ASB5: variants seen among roughly 807,000 people sequenced by gnomAD.
The protein encoded by ASB5 is ankyrin repeat and SOCS box containing 5.
Under a neutral mutation model 42.1 loss-of-function variants are expected in ASB5, and 45 were observed. The observed-to-expected ratio is 1.07, with a 90% CI of 0.84 to 1.37. The LOEUF (loss-of-function observed/expected upper bound fraction) is 1.37, where lower values mean the gene tolerates loss of function less well. Ranked by LOEUF, ASB5 falls within the 40% of genes most tolerant of loss-of-function variation. The probability of loss-of-function intolerance (pLI) is 0.00; values close to 1 mark genes in which losing one functional copy is unlikely to be tolerated. For missense variants in ASB5, 402 were observed against 399.8 expected, an observed-to-expected ratio of 1.01 and a Z score of -0.05; for synonymous variants, 147 against 150.6, an observed-to-expected ratio of 0.98 and a Z score of 0.18.
chr4:176,267,421 T>A (rs538507951), intron 1 of ASB5, among the ~76,000 whole-genome samples: 1 of 152,220 alleles, frequency 6.6e-6, no homozygotes, highest in East Asian at 1.9e-4. Flanking sequence ...GCCCAGGAGT[T>A]TGAGACCACC....
At chr4:176,238,206 C>A (rs1469549676) in intron 1 of ASB5, among the ~76,000 whole-genome samples, 332 of 101,066 alleles carry the variant, frequency 3.3e-3, no homozygotes, top group Middle Eastern at 6.2e-3. Context: ...GACTCCGTCT[C>A]AAAAAAAAAA....
intron 2 of ASB5, among the ~76,000 whole-genome samples, chr4:176,223,898 G>A (rs1007983237): frequency 4.6e-5 from 7 of 152,128 alleles, no homozygotes; most frequent in African/African-American, 1.7e-4. Flanking sequence ...CCTTTCTGAG[G>A]AATTACCCTT....
intron 1 of ASB5, among the ~76,000 whole-genome samples, chr4:176,263,396 T>C (rs896610018): frequency 6.6e-6 from 1 of 152,182 alleles, no homozygotes; most frequent in Non-Finnish European, 1.5e-5. Flanking sequence ...TGTAAGTTTG[T>C]TCCCAGATTT....
intron 4 of ASB5, 25 bp from the exon 5 acceptor site, chr4:176,221,314 T>C (rs2126944370): frequency 6.2e-7 from 1 of 1,612,232 alleles, no homozygotes; most frequent in East Asian, 2.2e-5. Context: ...TAGAGGAGTT[T>C]AACTTAATGC....
chr4:176,240,520 C>T (rs1753788953), intron 1 of ASB5, among the ~76,000 whole-genome samples: 1 of 152,138 alleles, frequency 6.6e-6, no homozygotes, highest in African/African-American at 2.4e-5. Flanking sequence ...GACACTTCTG[C>T]AGCAGGGAAA....
At position 176,232,375 on chromosome 4, in the gene ASB5, C is replaced by T. The variant is rs183897541; in HGVS notation, c.197-7034G>A. ...CTGACCTCAGATGATCCACCCGCCT[C>T]GGCCTCCCAAAGTGCTGGAATAGAT... On this transcript the variant is annotated intron_variant, in intron 1 of 6. Transcript: ENST00000296525. 4.3e-3 allele frequency among the ~76,000 whole-genome samples: 654 copies of T among 152,128 alleles called. 8 individuals carry two copies. The highest frequency in any genetic ancestry group is 0.014 in the African/African-American group (601 of 41,482).
intron 1 of ASB5, among the ~76,000 whole-genome samples, chr4:176,251,825 G>A (rs1179340932): frequency 6.6e-6 from 1 of 151,298 alleles, no homozygotes; most frequent in Admixed American, 6.6e-5. Flanking sequence ...CCAGCATTAG[G>A]CGGAGGCGGG....
chr4:176,268,858 G>T, intron 1 of ASB5, 55 bp downstream of exon 1: 1 of 1,358,220 alleles, frequency 7.4e-7, no homozygotes, highest in South Asian at 1.7e-5. Flanking sequence ...TGTAATTGTG[G>T]ATCAGATGAA....
At chr4:176,238,359 G>C (rs1409645555) in intron 1 of ASB5, among the ~76,000 whole-genome samples, 3 of 152,064 alleles carry the variant, frequency 2.0e-5, no homozygotes, top group Admixed American at 1.3e-4. Context: ...TTTTTCTAGA[G>C]GTCATCTCTA....
chr4:176,245,528 G>C (rs1027260251), intron 1 of ASB5, among the ~76,000 whole-genome samples: 15 of 152,060 alleles, frequency 9.9e-5, no homozygotes, highest in South Asian at 4.1e-4. Context: ...ACCATTTGAC[G>C]CAGCCATCTC....
rs1429763807 is a variant in ASB5, at chr4:176,214,689, A to AT, written c.*910dup. On this transcript the variant is annotated 3_prime_UTR_variant, in exon 7 of 7. Transcript: ENST00000296525. ...CCACAATTTGAGTTTTTAATCTTCC[A>AT]TTTTTTTATATCCTTGGACTGATGT... The AT allele has an allele frequency of 6.6e-6, 1 of 151,926 alleles. No homozygotes were observed. The highest frequency in any genetic ancestry group is 1.5e-5 in the Non-Finnish European group (1 of 67,966). The allele number at this position is 151,926 out of a possible 1,614,324, so 9.4% of individuals were successfully genotyped here. A position where few individuals can be genotyped will look rare whatever the true frequency, so the allele number is the denominator to read the frequency against.
At chr4:176,222,109 T>C (rs1452884364) in intron 3 of ASB5, among the ~76,000 whole-genome samples, 3 of 152,208 alleles carry the variant, frequency 2.0e-5, no homozygotes, top group Non-Finnish European at 4.4e-5. Context: ...GTCTATATTA[T>C]GATGCAGCAT....
intron 1 of ASB5, among the ~76,000 whole-genome samples, chr4:176,238,427 C>G (rs1286314986): frequency 6.6e-6 from 1 of 152,060 alleles, no homozygotes; most frequent in African/African-American, 2.4e-5. Flanking sequence ...CCCTAAAAGG[C>G]AGAGGAAAGG....
upstream of ASB5, among the ~76,000 whole-genome samples, chr4:176,270,616 A>G (rs1165988021): frequency 6.6e-6 from 1 of 152,232 alleles, no homozygotes; most frequent in Non-Finnish European, 1.5e-5. Flanking sequence ...TTTCAGAGGC[A>G]GAATACTGGC....
intron 1 of ASB5, among the ~76,000 whole-genome samples, chr4:176,256,104 A>G (rs1302363077): frequency 6.6e-6 from 1 of 152,192 alleles, no homozygotes; most frequent in East Asian, 1.9e-4. Context: ...GCAGTTCACC[A>G]TAAGATATTC....
chr4:176,262,702 T>C (rs980580099), intron 1 of ASB5, among the ~76,000 whole-genome samples: 3 of 152,176 alleles, frequency 2.0e-5, no homozygotes, highest in African/African-American at 7.2e-5. Context: ...GTTTCTATAG[T>C]TTATCCTTAG....
At chr4:176,249,927 T>A (rs1338844987) in intron 1 of ASB5, among the ~76,000 whole-genome samples, 1 of 150,968 alleles carries the variant, frequency 6.6e-6, no homozygotes, top group Non-Finnish European at 1.5e-5. Flanking sequence ...TAGCCGGGCG[T>A]GGTGACGGGC....
At chr4:176,260,888 G>A (rs1754256134) in intron 1 of ASB5, among the ~76,000 whole-genome samples, 1 of 152,178 alleles carries the variant, frequency 6.6e-6, no homozygotes, top group Admixed American at 6.5e-5. Context: ...TGCTGGCCAA[G>A]ATGGTCTCAA....
chr4:176,267,061 C>A (rs962916576), intron 1 of ASB5, among the ~76,000 whole-genome samples: 104 of 152,070 alleles, frequency 6.8e-4, no homozygotes, highest in African/African-American at 2.4e-3. Context: ...AAAAATGTTT[C>A]TTCTGTTTAG....
Sources: gnomAD v4.1 joint callset for allele counts (sites outside exome capture counted in the v4.1 genomes callset) on GRCh38, gnomAD v4.1.1 for gene constraint, MANE v1.5 for transcripts, NCBI Gene and HGNC (gene_info 2026-07-23, HGNC 2026-07-21) for gene names.